Variants in PRLR observed in about 807,000 individuals in gnomAD.
PRLR encodes the protein prolactin receptor, also known as hPRL receptor.
In PRLR, 13 loss-of-function variants were observed where a neutral mutation model predicts 40.2. The observed-to-expected ratio is 0.32, with a 90% CI of 0.21 to 0.51. The LOEUF (loss-of-function observed/expected upper bound fraction) is 0.51. Among genes scored for constraint, PRLR ranks in the 20% least tolerant of loss-of-function variants. The pLI is 0.97. For missense variants in PRLR, 656 were observed against 747.3 expected (o/e 0.88, Z 1.42); for synonymous variants, 269 against 278.7 (o/e 0.97, Z 0.35).
intron 2 of PRLR, among the ~76,000 whole-genome samples, chr5:35,103,974 T>C (rs966750100): frequency 2.6e-4 from 39 of 152,086 alleles, no homozygotes; most frequent in Non-Finnish European, 5.1e-4. Context: ...GCTGTGTAAG[T>C]GCATGTGCCC....
At chr5:35,107,781 G>A (rs567294306) in intron 2 of PRLR, among the ~76,000 whole-genome samples, 93 of 152,176 alleles carry the variant, frequency 6.1e-4, no homozygotes, top group Admixed American at 1.2e-3. Flanking sequence ...ATTCACAGCC[G>A]AGTCTACCAG....
intron 1 of PRLR, among the ~76,000 whole-genome samples, chr5:35,199,867 C>T (rs556024719): frequency 2.6e-5 from 4 of 152,290 alleles, no homozygotes; most frequent in Admixed American, 2.6e-4. Context: ...TAAATAGAAA[C>T]TCAGGACTGA....
intron 8 of PRLR, among the ~76,000 whole-genome samples, chr5:35,049,654 T>C (rs1376630228): frequency 6.6e-6 from 1 of 152,228 alleles, no homozygotes; most frequent in African/African-American, 2.4e-5. Flanking sequence ...TATCTGTGTA[T>C]ACACATGCTG....
intron 1 of PRLR, among the ~76,000 whole-genome samples, chr5:35,214,372 G>A (rs1033460925): frequency 6.6e-6 from 1 of 152,186 alleles, no homozygotes; most frequent in Non-Finnish European, 1.5e-5. Flanking sequence ...CAAACTATTT[G>A]TCATCATTCC....
intron 2 of PRLR, among the ~76,000 whole-genome samples, chr5:35,099,626 C>T (rs899831118): frequency 5.9e-5 from 9 of 152,182 alleles, no homozygotes; most frequent in Middle Eastern, 3.4e-3. Context: ...CTGACAGCTC[C>T]GTGCATGCTA....
chr5:35,168,043 C>A (rs11953869), intron 1 of PRLR, among the ~76,000 whole-genome samples: 1 of 151,536 alleles, frequency 6.6e-6, no homozygotes, highest in African/African-American at 2.4e-5. Flanking sequence ...ATAACACTAA[C>A]CTGAAGAAAG....
chr5:35,182,283 A>T (rs529595336), intron 1 of PRLR, among the ~76,000 whole-genome samples: 1 of 152,364 alleles, frequency 6.6e-6, no homozygotes, highest in Admixed American at 6.5e-5. Context: ...TGCCTCTTCC[A>T]GTGAAATGTT....
chr5:35,163,074 T>G (rs1288812571), intron 1 of PRLR, among the ~76,000 whole-genome samples: 29 of 152,022 alleles, frequency 1.9e-4, no homozygotes, highest in Non-Finnish European at 1.5e-5. Flanking sequence ...CCACAGAAGT[T>G]TGCTCTGCTG....
chr5:35,168,636 A>G (rs758911580), intron 1 of PRLR, among the ~76,000 whole-genome samples: 13 of 152,164 alleles, frequency 8.5e-5, no homozygotes, highest in African/African-American at 1.4e-4. Context: ...CAGAAATTTA[A>G]AAATATTTTG....
At chr5:35,069,555 A>G (rs1401764726) in intron 7 of PRLR, among the ~76,000 whole-genome samples, 1 of 152,218 alleles carries the variant, frequency 6.6e-6, no homozygotes, top group Non-Finnish European at 1.5e-5. Flanking sequence ...ATTTTTAATG[A>G]TAATCATATT....
intron 2 of PRLR, among the ~76,000 whole-genome samples, 188 bp from the exon 3 acceptor site, chr5:35,089,851 C>T (rs538513636): frequency 3.9e-5 from 6 of 152,260 alleles, no homozygotes; most frequent in East Asian, 3.9e-4. Flanking sequence ...AATTCACACA[C>T]GCTGGGAAAA....
intron 1 of PRLR, among the ~76,000 whole-genome samples, chr5:35,139,501 T>C (rs1158362867): frequency 1.3e-5 from 2 of 152,124 alleles, no homozygotes; most frequent in African/African-American, 4.8e-5. Flanking sequence ...CCTCTTAGAA[T>C]TGAAGATGTG....
intron 1 of PRLR, among the ~76,000 whole-genome samples, chr5:35,213,260 G>A (rs544648438): frequency 2.0e-5 from 3 of 152,068 alleles, no homozygotes; most frequent in East Asian, 1.9e-4. Context: ...TTATATAATC[G>A]GTCTTAGTGA....
chr5:35,078,079 C>T lies in PRLR; in HGVS notation c.374-5335G>A, dbSNP rs556244460. On this transcript the variant is annotated intron_variant, in intron 5 of 9. Coordinates refer to ENST00000618457, the MANE Select transcript of PRLR (RefSeq NM_000949.7). ...AGTGTGTAGAGGGAAATTTATAGCA[C>T]TAAATGCCCACAAGAGAAAGCAGGG... Among the ~76,000 whole-genome samples the T allele has an allele frequency of 1.2e-4, 19 of 152,236 alleles. No individual in the cohort carries two copies. The South Asian group carries it at 3.9e-3, about 32-fold the overall frequency.
chr5:35,153,031 T>C (rs1774383215), intron 1 of PRLR: 1 of 152,224 alleles, frequency 6.6e-6, no homozygotes, highest in Non-Finnish European at 1.5e-5. Flanking sequence ...AAATAACTTT[T>C]GTATGCCTTA....
intron 7 of PRLR, 109 bp from the exon 8 acceptor site, chr5:35,068,987 AT>A (rs1285394103): frequency 1.3e-5 from 10 of 743,892 alleles, no homozygotes; most frequent in South Asian, 2.1e-5. Flanking sequence ...CCATTCATAT[AT>A]TTTTTTGATT....
chr5:35,205,704 T>C (rs185611014), intron 1 of PRLR, among the ~76,000 whole-genome samples: 1 of 152,238 alleles, frequency 6.6e-6, no homozygotes, highest in East Asian at 1.9e-4. Flanking sequence ...GATGATGACT[T>C]TTTATGTTCT....
rs1776684770 is a variant in PRLR at position 35,230,313 on chromosome 5, C to T, written c.-151G>A. The T allele has an allele frequency of 6.6e-6, 1 of 152,292 alleles. No homozygotes were observed. Among genetic ancestry groups the T allele is most frequent in the Admixed American group, 6.5e-5 (1 of 15,290 alleles). 9.4% of individuals were successfully genotyped at this position (152,292 alleles called of 1,614,324 possible). A position where few individuals can be genotyped will look rare whatever the true frequency, so the allele number is the denominator to read the frequency against. The stretch of plus-strand genomic sequence containing the variant: ...TGCCACATCAGTCGATGAGTACTTC[C>T]TGCACGAGGACATGAAGCTCCATTG... On this transcript the variant is annotated 5_prime_UTR_variant, in exon 1 of 10. Coordinates refer to ENST00000618457, the MANE Select transcript of PRLR (RefSeq NM_000949.7).
chr5:35,220,112 CAGA>C (rs1414942828), intron 1 of PRLR, among the ~76,000 whole-genome samples: 10 of 152,290 alleles, frequency 6.6e-5, no homozygotes, highest in African/African-American at 2.2e-4. Context: ...ATTCTCCACA[CAGA>C]AGCTGGGAAG....
Sources: gnomAD v4.1 joint callset for allele counts (sites outside exome capture counted in the v4.1 genomes callset) on GRCh38, gnomAD v4.1.1 for gene constraint, MANE v1.5 for transcripts, NCBI Gene and HGNC (gene_info 2026-07-23, HGNC 2026-07-21) for gene names.